Variants in MGAT5 observed in about 807,000 individuals in gnomAD.
MGAT5 encodes the protein alpha-1,6-mannosylglycoprotein 6-beta-N-acetylglucosaminyltransferase.
In MGAT5, 30 loss-of-function variants were observed where a neutral mutation model predicts 94.3. That is an observed-to-expected ratio of 0.32 (90% CI 0.24 to 0.43). The LOEUF (loss-of-function observed/expected upper bound fraction) is 0.43. Ranked by LOEUF, MGAT5 falls within the 20% of genes least tolerant of loss-of-function variation. MGAT5 has a pLI of 1.00. For missense variants in MGAT5, 691 were observed against 905.5 expected (o/e 0.76, Z 3.04); for synonymous variants, 310 against 322.9 (o/e 0.96, Z 0.43).
intron 9 of MGAT5, among the ~76,000 whole-genome samples, chr2:134,358,603 T>G (rs1558821836): frequency 6.6e-6 from 1 of 152,092 alleles, no homozygotes; most frequent in African/African-American, 2.4e-5. Context: ...GGCGCTGGGG[T>G]TTCTTCTCTT....
intron 8 of MGAT5, 21 bp downstream of exon 8, chr2:134,345,085 T>G (rs759495437): frequency 6.3e-7 from 1 of 1,596,488 alleles, no homozygotes; most frequent in Non-Finnish European, 8.6e-7. Context: ...CATGGTGTTC[T>G]GACTTAAGGT....
chr2:134,197,724 C>A (rs1679567072), intron 1 of MGAT5, among the ~76,000 whole-genome samples: 1 of 152,200 alleles, frequency 6.6e-6, no homozygotes. Flanking sequence ...AGTTTAGTTT[C>A]CTTTTACTTT....
At chr2:134,183,905 G>A (rs1282024781) in intron 1 of MGAT5, among the ~76,000 whole-genome samples, 1 of 152,152 alleles carries the variant, frequency 6.6e-6, no homozygotes, top group Admixed American at 6.5e-5. Flanking sequence ...GTTTCTGTTG[G>A]TCCCAGCCGA....
chr2:134,448,870 C>A lies in MGAT5; in HGVS notation c.*23C>A. On this transcript the variant is annotated 3_prime_UTR_variant, in exon 16 of 16. Transcript: ENST00000281923. ...TAGCAGCTACCTGCTCAGCCCTGCA[C>A]CATGCTGCTGGGGAAGACAGTGGCC... 3 of 1,604,778 alleles carry A rather than the reference C, an allele frequency of 1.9e-6. No individual in the cohort carries two copies. The highest frequency in any genetic ancestry group is 1.7e-5 in the Admixed American group (1 of 58,926).
At chr2:134,148,234 C>T (rs1350793940) in intron 1 of MGAT5, among the ~76,000 whole-genome samples, 2 of 152,184 alleles carry the variant, frequency 1.3e-5, no homozygotes, top group Non-Finnish European at 2.9e-5. Context: ...CCTGCTCTGT[C>T]GCCTCTGGTC....
At chr2:134,308,200 T>TAAAAAAGGAA (rs1267545071) in intron 2 of MGAT5, among the ~76,000 whole-genome samples, 1 of 152,188 alleles carries the variant, frequency 6.6e-6, no homozygotes, top group East Asian at 1.9e-4. Context: ...TTCTTCAGTG[T>TAAAAAAGGAA]ACTCATCTTT....
intron 14 of MGAT5, among the ~76,000 whole-genome samples, chr2:134,437,874 G>A (rs557135297): frequency 1.4e-4 from 22 of 152,200 alleles, no homozygotes; most frequent in South Asian, 4.2e-4. Context: ...AATTAGCTGC[G>A]TGTGATGGCA....
chr2:134,134,006 T>C (rs1345846827), intron 1 of MGAT5, among the ~76,000 whole-genome samples: 2 of 152,158 alleles, frequency 1.3e-5, no homozygotes, highest in Non-Finnish European at 2.9e-5. Flanking sequence ...CTAAACTGTC[T>C]TAGGACCCCA....
chr2:134,409,220 A>T (rs11892363), intron 11 of MGAT5, among the ~76,000 whole-genome samples: 7,973 of 152,286 alleles, frequency 0.052, 723 homozygotes, highest in African/African-American at 0.18. Flanking sequence ...CTTGGAATGA[A>T]TCCTTTCCAT....
intron 4 of MGAT5, among the ~76,000 whole-genome samples, chr2:134,328,395 G>A (rs1687768066): frequency 6.6e-6 from 1 of 152,026 alleles, no homozygotes. Context: ...TTTGCTGTCT[G>A]GATCCCACCA....
chr2:134,376,242 G>A (rs1217868071), intron 10 of MGAT5, among the ~76,000 whole-genome samples: 2 of 152,132 alleles, frequency 1.3e-5, no homozygotes, highest in African/African-American at 4.8e-5. Flanking sequence ...AGTCTTCACT[G>A]AAATACTCAA....
chr2:134,231,993 C>CA (rs914843335), intron 1 of MGAT5, among the ~76,000 whole-genome samples: 22 of 152,172 alleles, frequency 1.4e-4, no homozygotes, highest in Non-Finnish European at 4.4e-5. Flanking sequence ...TCCTCCCTCA[C>CA]AAACCAGCTC....
At chr2:134,303,779 G>C (rs1459465176) in intron 2 of MGAT5, among the ~76,000 whole-genome samples, 3 of 152,052 alleles carry the variant, frequency 2.0e-5, no homozygotes, top group Non-Finnish European at 4.4e-5. Context: ...CCCTCTTTTT[G>C]GGAATATGCT....
intron 10 of MGAT5, among the ~76,000 whole-genome samples, chr2:134,375,983 A>G (rs1221134318): frequency 6.6e-6 from 1 of 152,224 alleles, no homozygotes; most frequent in Admixed American, 6.5e-5. Context: ...CAGGCACTCC[A>G]GAGAGTAACA....
intron 2 of MGAT5, among the ~76,000 whole-genome samples, chr2:134,316,260 G>A (rs566370553): frequency 3.9e-4 from 60 of 152,232 alleles, no homozygotes; most frequent in African/African-American, 1.4e-3. Flanking sequence ...ACTTATTGTG[G>A]CATTTGAAGC....
At chr2:134,169,393 C>CACAG in intron 1 of MGAT5, among the ~76,000 whole-genome samples, 1 of 124,688 alleles carries the variant, frequency 8.0e-6, no homozygotes, top group African/African-American at 3.1e-5. Context: ...AAAATACACA[C>CACAG]ACACACACAC....
chr2:134,175,038 C>T (rs1370605885), intron 1 of MGAT5, among the ~76,000 whole-genome samples: 1 of 152,178 alleles, frequency 6.6e-6, no homozygotes, highest in Non-Finnish European at 1.5e-5. Flanking sequence ...CCTCCTGGCC[C>T]ATGGGCAGGG....
chr2:134,329,095 G>A (rs1687803074), intron 4 of MGAT5, among the ~76,000 whole-genome samples: 1 of 146,528 alleles, frequency 6.8e-6, no homozygotes. Context: ...ACTGTTGTTT[G>A]TCTACGGTTA....
intron 1 of MGAT5, among the ~76,000 whole-genome samples, chr2:134,202,625 A>G (rs994722070): frequency 6.6e-6 from 1 of 152,246 alleles, no homozygotes; most frequent in Middle Eastern, 3.2e-3. Flanking sequence ...TCTACAGCCC[A>G]GCTCACTTTG....
Sources: gnomAD v4.1 joint callset for allele counts (sites outside exome capture counted in the v4.1 genomes callset) on GRCh38, gnomAD v4.1.1 for gene constraint, MANE v1.5 for transcripts, NCBI Gene and HGNC (gene_info 2026-07-23, HGNC 2026-07-21) for gene names.